The following CCDC40 variants were observed in gnomAD, a reference collection of about 807,000 sequenced individuals.
CCDC40 encodes coiled-coil domain-containing protein 40.
A neutral mutation model predicts 124.5 loss-of-function variants in CCDC40; 104 were observed. The observed-to-expected ratio is 0.84, with a 90% CI of 0.71 to 0.98. CCDC40 has a LOEUF of 0.98. Ranked by LOEUF, CCDC40 falls within the 50% of genes least tolerant of loss-of-function variation. The pLI, the probability that CCDC40 is intolerant of heterozygous loss-of-function variation, is 0.00. For synonymous variants in CCDC40, 580 were observed against 602.9 expected (o/e 0.96, Z 0.56); for missense variants, 1,463 against 1,503.9 (o/e 0.97, Z 0.45).
In CCDC40 at chr17:80,039,983, G is replaced by T; in HGVS notation, c.265G>T (p.Ala89Ser). The T allele has an allele frequency of 6.2e-7, 1 of 1,614,100 alleles. No individual in the cohort carries two copies. The highest frequency in any genetic ancestry group is 8.5e-7 in the Non-Finnish European group (1 of 1,179,996). Reference protein sequence around the residue: ...GEEEAVSYGDAESEEEYYYTE... With the variant: ...GEEEAVSYGDSESEEEYYYTE... ...AGAGGAGGCTGTGTCCTATGGAGATGCTGAAAGCGAAGAGGAATATTACTA... is the reference window on the plus strand; with the variant it reads ...AGAGGAGGCTGTGTCCTATGGAGATTCTGAAAGCGAAGAGGAATATTACTA... Residue 89 changes from alanine (A) to serine (S), a missense_variant, in exon 3 of 20, where the codon GCT becomes TCT. Coordinates refer to ENST00000397545, the MANE Select transcript of CCDC40 (RefSeq NM_017950.4).
chr17:80,040,208 G>A lies in CCDC40; in HGVS notation c.490G>A (p.Gly164Arg), dbSNP rs770564150. The stretch of plus-strand genomic sequence containing the variant: ...GGTCACCTCCCCAGAGCCATCCCAC[G>A]GAGTCTTAGGCCCGTCGGAGCAAAT... Reference protein sequence around the residue: ...RRVTSPEPSHGVLGPSEQMGQ... With the variant: ...RRVTSPEPSHRVLGPSEQMGQ... Residue 164 changes from glycine (G) to arginine (R), a missense_variant, in exon 3 of 20, where the codon GGA becomes AGA. Transcript: ENST00000397545. The A allele has an allele frequency of 4.3e-5, 70 of 1,613,908 alleles. No homozygotes were observed. Among genetic ancestry groups the A allele is most frequent in the Non-Finnish European group, 5.5e-5 (65 of 1,179,978 alleles).
intron 12 of CCDC40, 86 bp from the exon 13 acceptor site, chr17:80,084,657 G>T: frequency 6.6e-7 from 1 of 1,505,262 alleles, no homozygotes; most frequent in Non-Finnish European, 9.2e-7. Flanking sequence ...GGAACATCCC[G>T]ACCGTCAGGG....
intron 4 of CCDC40, 175 bp downstream of exon 4, chr17:80,047,577 TTTATC>T (rs1360454392): frequency 1.5e-6 from 1 of 667,794 alleles, no homozygotes; most frequent in African/African-American, 1.8e-5. Flanking sequence ...CATTTACTGT[TTTATC>T]TCATTTAATC....
At position 80,086,882 on chromosome 17, in the gene CCDC40, C is replaced by T. The variant is rs1485641019; in HGVS notation, c.2449+666C>T. 1.9e-5 allele frequency: 3 copies of T among 160,074 alleles called. No individual in the cohort carries two copies. The East Asian group carries it at 5.5e-4, about 29-fold the overall frequency. The allele number at this position is 160,074 out of a possible 1,614,324, so 9.9% of individuals were successfully genotyped here. A position where few individuals can be genotyped will look rare whatever the true frequency, so the allele number is the denominator to read the frequency against. ...CTCGCCCTGCCCTTCTTGGGTTGCCCAAACCCGTCTGTTGGTGAGTAGCAA... is the reference window on the plus strand; with the variant it reads ...CTCGCCCTGCCCTTCTTGGGTTGCCTAAACCCGTCTGTTGGTGAGTAGCAA... On this transcript the variant is annotated intron_variant, in intron 14 of 19. Coordinates refer to ENST00000397545, the MANE Select transcript of CCDC40 (RefSeq NM_017950.4). This position sits in a 1 kb window ranked among gnomAD's most constrained non-coding sequence, Gnocchi z 5.5.
At chr17:80,055,067 C>T (rs530962709) in intron 7 of CCDC40, among the ~76,000 whole-genome samples, 1 of 151,102 alleles carries the variant, frequency 6.6e-6, no homozygotes, top group East Asian at 1.9e-4. Context: ...TTTAATAAAA[C>T]TCATCATCCA....
Position 80,039,708 on chromosome 17 carries a change from A to G in CCDC40, c.94-104A>G, listed in dbSNP as rs2037223162. ...ATCTCTTAGTGATGCTGAGAAGGGT[A>G]TAAATGCAGTTTTCCCATTGATATA... is the stretch of plus-strand genomic sequence containing the variant. On this transcript the variant is annotated intron_variant, in intron 2 of 19. Coordinates refer to ENST00000397545, the MANE Select transcript of CCDC40 (RefSeq NM_017950.4). 6.3e-6 allele frequency: 9 copies of G among 1,432,776 alleles called. No homozygotes were observed. The African/African-American group carries it at 1.3e-4, about 20-fold the overall frequency. 88.8% of individuals were successfully genotyped at this position (1,432,776 alleles called of 1,614,324 possible). A position where few individuals can be genotyped will look rare whatever the true frequency, so the allele number is the denominator to read the frequency against.
chr17:80,094,609 C>A (rs2038775554), intron 17 of CCDC40, among the ~76,000 whole-genome samples: 1 of 152,190 alleles, frequency 6.6e-6, no homozygotes, highest in South Asian at 2.1e-4. Context: ...GCAGAAGAAT[C>A]ACTTGAACCC....
In CCDC40 at chr17:80,090,209, G is replaced by T. The variant is rs1306039566; in HGVS notation, c.2832+325G>T. ...CAACACGGGACGCACGCAGGCACGT[G>T]CACGAAGAACACGGGACGCGCGCAG... is the stretch of plus-strand genomic sequence containing the variant. On this transcript the variant is annotated intron_variant, in intron 17 of 19. Transcript: ENST00000397545. The T allele has an allele frequency of 4.8e-5, 37 of 764,062 alleles. 8 individuals carry two copies. Among genetic ancestry groups the T allele is most frequent in the South Asian group, 9.3e-5 (4 of 43,142 alleles). The allele number at this position is 764,062 out of a possible 1,614,324, so 47.3% of individuals were successfully genotyped here.
At position 80,086,538 on chromosome 17, in the gene CCDC40, A is replaced by T. The variant is rs1327072343; in HGVS notation, c.2449+322A>T. On this transcript the variant is annotated intron_variant, in intron 14 of 19. Transcript: ENST00000397545. This position sits in a 1 kb window ranked among gnomAD's most constrained non-coding sequence, Gnocchi z 5.5. ...AGGGCACTCAGGTGGAAACACTGGC[A>T]CGGGAAAAGCCAGGGTCCTGCCAGG... is the stretch of plus-strand genomic sequence containing the variant. The T allele has an allele frequency of 1.1e-5, 4 of 355,222 alleles. No homozygotes were observed. The Admixed American group carries it at 1.7e-4, about 15-fold the overall frequency. The allele number at this position is 355,222 out of a possible 1,614,324, so 22.0% of individuals were successfully genotyped here.
chr17:80,044,901 C>T (rs982369108), intron 3 of CCDC40, among the ~76,000 whole-genome samples: 2 of 152,036 alleles, frequency 1.3e-5, no homozygotes, highest in Non-Finnish European at 2.9e-5. Flanking sequence ...AGCCCCTGAG[C>T]GAGCCTTGCT....
chr17:80,085,319 C>G (rs1413481262), intron 13 of CCDC40, among the ~76,000 whole-genome samples: 1 of 152,246 alleles, frequency 6.6e-6, no homozygotes, highest in African/African-American at 2.4e-5. Context: ...CCACTGAAGT[C>G]TGAATTCCAA....
chr17:80,044,704 A>ATGTGTATATATAT lies in CCDC40; in HGVS notation c.553-2575_553-2574insTGTGTATATATAT, dbSNP rs1485851817. The stretch of plus-strand genomic sequence containing the variant: ...TCTCAAAAACAAAACAAAACAAACA[A>ATGTGTATATATAT]ACAAAAAAAAAAATATATATATATA... On this transcript the variant is annotated intron_variant, in intron 3 of 19. Transcript: ENST00000397545. Among the ~76,000 whole-genome samples, 117 of 37,194 alleles carry ATGTGTATATATAT rather than the reference A, an allele frequency of 3.1e-3. 6 individuals are homozygous for ATGTGTATATATAT. Among genetic ancestry groups the ATGTGTATATATAT allele is most frequent in the African/African-American group, 8.6e-3 (108 of 12,612 alleles). 24.4% of individuals were successfully genotyped at this position (37,194 alleles called of 152,430 possible).
intron 3 of CCDC40, 78 bp from the exon 4 acceptor site, chr17:80,047,201 A>G: frequency 5.4e-6 from 8 of 1,489,004 alleles, no homozygotes; most frequent in East Asian, 2.3e-5. Context: ...ACTTTCACAA[A>G]TGTAATGAGT....
chr17:80,069,135 G>C (rs565664742), intron 10 of CCDC40, among the ~76,000 whole-genome samples: 2 of 152,032 alleles, frequency 1.3e-5, no homozygotes, highest in East Asian at 3.9e-4. Context: ...TTAGGTTCCA[G>C]CCAAACCTCA....
At chr17:80,059,013 A>T (rs1431113249) in intron 9 of CCDC40, 33 bp downstream of exon 9, 17 of 1,613,728 alleles carry the variant, frequency 1.1e-5, no homozygotes, top group Non-Finnish European at 1.4e-5. Context: ...TCAGTGTTCG[A>T]CCCTCCAGTG....
At chr17:80,062,526 T>G (rs1341601171) in intron 9 of CCDC40, among the ~76,000 whole-genome samples, 1 of 145,386 alleles carries the variant, frequency 6.9e-6, no homozygotes, top group Non-Finnish European at 1.5e-5. Context: ...CATTGTTCAA[T>G]TCCCACCTAT....
intron 10 of CCDC40, among the ~76,000 whole-genome samples, chr17:80,074,979 A>G (rs962847722): frequency 2.6e-5 from 4 of 151,208 alleles, no homozygotes; most frequent in African/African-American, 9.7e-5. Context: ...CTGGAGTGCT[A>G]TGGTACGATC....
Position 80,081,592 on chromosome 17 carries a change from T to C in CCDC40, c.1609T>C (p.Tyr537His). 1 of 1,613,986 alleles carries C rather than the reference T, an allele frequency of 6.2e-7. No individual in the cohort carries two copies. The highest frequency in any genetic ancestry group is 8.5e-7 in the Non-Finnish European group (1 of 1,180,020). The change falls in exon 11 of 20, where the codon TAT (tyrosine) becomes CAT (histidine). Residue 537 changes from tyrosine (Y) to histidine (H), a missense_variant. Coordinates refer to ENST00000397545, the MANE Select transcript of CCDC40 (RefSeq NM_017950.4). ...AKSTDGEIEAYKKSIMKEEEK... is the reference protein window; with the variant it reads ...AKSTDGEIEAHKKSIMKEEEK... ...ATCCACCGACGGCGAGATTGAGGCC[T>C]ATAAGAAATCCATCATGAAGGAGGA... is the stretch of plus-strand genomic sequence containing the variant.
chr17:80,050,420 G>A (rs1181953893), intron 7 of CCDC40, 137 bp downstream of exon 7: 3 of 706,796 alleles, frequency 4.2e-6, no homozygotes, highest in Non-Finnish European at 7.5e-6. Context: ...TTTTAGGAGG[G>A]GAAGGCACAT....
Sources: gnomAD v4.1 joint callset for allele counts (sites outside exome capture counted in the v4.1 genomes callset) on GRCh38, gnomAD v4.1.1 for gene constraint, Gnocchi (gnomAD v3.1) non-coding constraint, MANE v1.5 for transcripts, NCBI Gene and HGNC (gene_info 2026-07-23, HGNC 2026-07-21) for gene names.